CDKL5: variants seen among roughly 807,000 people sequenced by gnomAD.
CDKL5 encodes cyclin dependent kinase like 5.
A neutral mutation model predicts 61.7 loss-of-function variants in CDKL5; 8 were observed. The ratio of observed to expected loss-of-function variants is 0.13; its 90% CI spans 0.08 to 0.23. CDKL5 has a LOEUF of 0.23. Among genes scored for constraint, CDKL5 ranks in the 10% least tolerant of loss-of-function variants. The probability of loss-of-function intolerance (pLI) is 1.00; values close to 1 mark genes in which losing one functional copy is unlikely to be tolerated. For synonymous variants in CDKL5, 275 were observed against 272.3 expected (o/e 1.01, Z -0.10); for missense variants, 440 against 734.5 (o/e 0.60, Z 4.63).
chrX:18,644,765 C>T (rs1012348843), downstream of CDKL5: 2 of 558,178 alleles, frequency 3.6e-6, no homozygotes, highest in African/African-American at 4.6e-5. Context: ...CAGTCTGAGC[C>T]TTGTCTCCTA....
chrX:18,577,060 C>T (rs1369276012), intron 5 of CDKL5, among the ~76,000 whole-genome samples: 2 of 111,017 alleles, frequency 1.8e-5, no homozygotes, highest in Admixed American at 9.6e-5. Flanking sequence ...CCATGCCTGG[C>T]TGCTTTTTAT....
intron 8 of CDKL5, 90 bp from the exon 9 acceptor site, chrX:18,587,864 C>A: frequency 1.2e-6 from 1 of 834,683 alleles, no homozygotes; most frequent in Non-Finnish European, 1.8e-6. Flanking sequence ...TACAAGTGTG[C>A]TGCACATAAA....
At position 18,453,450 on chromosome X, in the gene CDKL5, T is replaced by G. The variant is rs759125454; in HGVS notation, c.-163+27755T>G. On this transcript the variant is annotated intron_variant, in intron 1 of 17. Transcript: ENST00000623535. Reference sequence around the variant, plus strand: ...CACCTATTGTCCTAATCTCTGGACATAAAGTTTTTGTGTATTAATTCCAGT... The same window carrying G: ...CACCTATTGTCCTAATCTCTGGACAGAAAGTTTTTGTGTATTAATTCCAGT... 5.4e-5 allele frequency among the ~76,000 whole-genome samples: 6 copies of G among 111,490 alleles called. No individual in the cohort carries two copies. In the East Asian group the frequency reaches 1.7e-3, roughly 32 times the overall value.
intron 8 of CDKL5, among the ~76,000 whole-genome samples, chrX:18,585,957 TACTC>T (rs1217800948): frequency 1.8e-5 from 2 of 111,825 alleles, no homozygotes; most frequent in Non-Finnish European, 3.8e-5. Flanking sequence ...ATGTTTAAGT[TACTC>T]ACTGAGGGTT....
chrX:18,542,755 A>G (rs1160201162), intron 3 of CDKL5, among the ~76,000 whole-genome samples: 1 of 108,160 alleles, frequency 9.2e-6, no homozygotes, highest in African/African-American at 3.4e-5. Flanking sequence ...CAGTTGAGGT[A>G]TAGGATAAGG....
intron 15 of CDKL5, among the ~76,000 whole-genome samples, chrX:18,615,714 G>GC (rs1429867753): frequency 8.9e-6 from 1 of 112,171 alleles, no homozygotes; most frequent in Admixed American, 9.5e-5. Flanking sequence ...ACTGTGCCTG[G>GC]CCGTGAATTG....
At position 18,613,128 on chromosome X, in the gene CDKL5, G is replaced by A. The variant is rs778985159; in HGVS notation, c.2153-24G>A. 6 of 1,063,134 alleles carry A rather than the reference G, an allele frequency of 5.6e-6. No homozygotes were observed. The African/African-American group carries it at 1.2e-4, about 20-fold the overall frequency. The allele number at this position is 1,063,134 out of a possible 1,213,427, so 87.6% of individuals were successfully genotyped here. On this transcript the variant is annotated intron_variant, in intron 14 of 17. Coordinates refer to ENST00000623535, the MANE Select transcript of CDKL5 (RefSeq NM_001323289.2). ...AAAAAAAAAAAAGAAAAGTCCATCAGTGACTTACTTTTTCTTTATTCAGTG... is the reference window on the plus strand; with the variant it reads ...AAAAAAAAAAAAGAAAAGTCCATCAATGACTTACTTTTTCTTTATTCAGTG...
intron 1 of CDKL5, among the ~76,000 whole-genome samples, chrX:18,457,000 A>G (rs1052515771): frequency 1.8e-5 from 2 of 110,250 alleles, no homozygotes; most frequent in Admixed American, 1.0e-4. Flanking sequence ...CTATAGTTAC[A>G]TACAGACTCC....
At chrX:18,507,446 C>CTTTTTTTT (rs200439467) in intron 2 of CDKL5, among the ~76,000 whole-genome samples, 7 of 72,349 alleles carry the variant, frequency 9.7e-5, no homozygotes, top group African/African-American at 2.6e-4. Context: ...TGCCTTCATT[C>CTTTTTTTT]TTTTTTTTTT....
chrX:18,479,923 A>G (rs766293085), intron 1 of CDKL5, among the ~76,000 whole-genome samples: 86 of 112,069 alleles, frequency 7.7e-4, no homozygotes, highest in African/African-American at 2.8e-3. Flanking sequence ...ATAATTTAGA[A>G]TAGGTTTTGG....
At chrX:18,568,235 C>T (rs770182500) in intron 4 of CDKL5, among the ~76,000 whole-genome samples, 16 of 111,961 alleles carry the variant, frequency 1.4e-4, no homozygotes, top group Middle Eastern at 9.2e-3. Context: ...TTTCTGGTAG[C>T]TTTAAAAGAT....
At chrX:18,571,047 T>C (rs1925120235) in intron 4 of CDKL5, among the ~76,000 whole-genome samples, 1 of 111,570 alleles carries the variant, frequency 9.0e-6, no homozygotes, top group African/African-American at 3.3e-5. Context: ...ACATAAGCAG[T>C]TATCACATAG....
At position 18,518,385 on chromosome X, in the gene CDKL5, C is replaced by CTTTTTT. The variant is rs1195931109; in HGVS notation, c.99+7533_99+7534insTTTTTT. ...ATAAAGTCATGTTTTCTTTTCTTTTCTTATTTTTTTTTTTTTTTTTTTTTT... is the reference window on the plus strand; with the variant it reads ...ATAAAGTCATGTTTTCTTTTCTTTTCTTTTTTTTATTTTTTTTTTTTTTTTTTTTTT... On this transcript the variant is annotated intron_variant, in intron 3 of 17. Transcript: ENST00000623535. 3.6e-3 allele frequency among the ~76,000 whole-genome samples: 82 copies of CTTTTTT among 22,780 alleles called. 5 individuals carry two copies. The highest frequency in any genetic ancestry group is 0.01 in the African/African-American group (68 of 6,584). The allele number at this position is 22,780 out of a possible 115,157, so 19.8% of individuals were successfully genotyped here.
At chrX:18,609,365 G>T in intron 13 of CDKL5, 100 bp from the exon 14 acceptor site, 1 of 1,187,035 alleles carries the variant, frequency 8.4e-7, no homozygotes. Flanking sequence ...CTGCACTACA[G>T]CCTGGGCAAT....
At chrX:18,502,937 A>T (rs1922440671) in intron 1 of CDKL5, among the ~76,000 whole-genome samples, 1 of 111,670 alleles carries the variant, frequency 9.0e-6, no homozygotes, top group African/African-American at 3.3e-5. Flanking sequence ...TATATATTTT[A>T]AAATCAGCTT....
At chrX:18,564,451 T>A in intron 3 of CDKL5, 26 bp from the exon 4 acceptor site, 1 of 1,141,822 alleles carries the variant, frequency 8.8e-7, no homozygotes, top group Non-Finnish European at 1.2e-6. Context: ...GAGAATGACT[T>A]TCCTTCTGCT....
intron 3 of CDKL5, among the ~76,000 whole-genome samples, chrX:18,537,667 C>T (rs985709803): frequency 2.7e-5 from 3 of 111,948 alleles, no homozygotes; most frequent in African/African-American, 9.8e-5. Flanking sequence ...TCTTGCCTTC[C>T]CCTCTTTCTA....
At chrX:18,438,660 T>A (rs1931663080) in intron 1 of CDKL5, among the ~76,000 whole-genome samples, 1 of 106,294 alleles carries the variant, frequency 9.4e-6, no homozygotes, top group South Asian at 4.5e-4. Flanking sequence ...CGTGGTGGTG[T>A]GTGTCTGTAG....
intron 3 of CDKL5, among the ~76,000 whole-genome samples, chrX:18,520,862 G>A (rs910442641): frequency 2.7e-5 from 3 of 111,344 alleles, no homozygotes; most frequent in East Asian, 5.7e-4. Flanking sequence ...TCAGCCTCCC[G>A]AGTAACTGGG....
Sources: gnomAD v4.1 joint callset for allele counts (sites outside exome capture counted in the v4.1 genomes callset) on GRCh38, gnomAD v4.1.1 for gene constraint, MANE v1.5 for transcripts, NCBI Gene and HGNC (gene_info 2026-07-23, HGNC 2026-07-21) for gene names.